SLC30A8: variants seen among roughly 807,000 people sequenced by gnomAD.
The protein encoded by SLC30A8 is solute carrier family 30 member 8, also known as proton-coupled zinc antiporter SLC30A8.
In SLC30A8, 27 loss-of-function variants were observed where a neutral mutation model predicts 36.9. That is an observed-to-expected ratio of 0.73 (90% confidence interval 0.54 to 1.01). The LOEUF (loss-of-function observed/expected upper bound fraction) is 1.01, where lower values mean the gene tolerates loss of function less well. SLC30A8 is among the 50% of genes least tolerant of loss of function. The pLI is 0.00. For synonymous variants in SLC30A8, 164 were observed against 172.4 expected (o/e 0.95, Z 0.38); for missense variants, 439 against 452.0 (o/e 0.97, Z 0.26).
chr8:117,002,151 A>G (rs956884744), intron 1 of SLC30A8, among the ~76,000 whole-genome samples: 3 of 152,196 alleles, frequency 2.0e-5, no homozygotes, highest in African/African-American at 7.2e-5. Context: ...AAGTTTGTTT[A>G]TGGTGTAATT....
chr8:117,154,694 C>T (rs201409867), intron 3 of SLC30A8, among the ~76,000 whole-genome samples: 1 of 152,278 alleles, frequency 6.6e-6, no homozygotes, highest in East Asian at 1.9e-4. Flanking sequence ...AAAACATGGA[C>T]CTGTAGCTAA....
intron 1 of SLC30A8, among the ~76,000 whole-genome samples, chr8:117,037,742 T>C (rs1817260251): frequency 6.6e-6 from 1 of 152,058 alleles, no homozygotes; most frequent in Non-Finnish European, 1.5e-5. Flanking sequence ...GGTGTCTAAA[T>C]GGGATTCCCT....
At chr8:117,048,895 G>T (rs1051122852) in intron 2 of SLC30A8, among the ~76,000 whole-genome samples, 1 of 152,158 alleles carries the variant, frequency 6.6e-6, no homozygotes, top group Non-Finnish European at 1.5e-5. Flanking sequence ...TACAGGGTAA[G>T]CATGAGCACA....
upstream of SLC30A8, chr8:116,950,284 A>C (rs1586316008): frequency 1.2e-5 from 2 of 167,912 alleles, no homozygotes; most frequent in East Asian, 3.5e-4. Flanking sequence ...GGCTGCCAGC[A>C]TGCTGTCACC....
chr8:117,001,150 T>A (rs979675839), intron 1 of SLC30A8, among the ~76,000 whole-genome samples: 10 of 151,474 alleles, frequency 6.6e-5, no homozygotes, highest in Non-Finnish European at 1.2e-4. Flanking sequence ...ATGTTAGGGA[T>A]AGGCTGATGA....
chr8:116,959,605 G>C (rs1182152269), intron 1 of SLC30A8, among the ~76,000 whole-genome samples: 1 of 152,050 alleles, frequency 6.6e-6, no homozygotes. Context: ...ACATTACTTA[G>C]AAACCATTTG....
intron 1 of SLC30A8, among the ~76,000 whole-genome samples, chr8:117,032,860 A>G (rs1007564917): frequency 2.0e-5 from 3 of 152,088 alleles, no homozygotes; most frequent in African/African-American, 7.2e-5. Context: ...ATTGCACTCC[A>G]GCCTGGGTGA....
At chr8:117,055,132 G>A (rs746734549) in intron 2 of SLC30A8, among the ~76,000 whole-genome samples, 6 of 152,166 alleles carry the variant, frequency 3.9e-5, no homozygotes, top group Non-Finnish European at 8.8e-5. Flanking sequence ...TTGAAAGTGC[G>A]GGGTTACCAG....
intron 1 of SLC30A8, among the ~76,000 whole-genome samples, chr8:117,031,728 T>C (rs1817058053): frequency 6.6e-6 from 1 of 152,140 alleles, no homozygotes; most frequent in Non-Finnish European, 1.5e-5. Context: ...CCTCCCAAAA[T>C]ACTGAGATTA....
Position 117,088,519 on chromosome 8 carries a change from C to T in SLC30A8, c.-225-46761C>T, listed in dbSNP as rs114803814. Among the ~76,000 whole-genome samples, 368 of 152,086 alleles carry T rather than the reference C, an allele frequency of 2.4e-3. 2 individuals are homozygous for T. The highest frequency in any genetic ancestry group is 8.4e-3 in the African/African-American group (349 of 41,518). ...TCCATCACTGCCTCTCAAGTTCCGA[C>T]AGTGAAAAACGTGCACATCTCCCTC... On this transcript the variant is annotated intron_variant, in intron 2 of 10. Coordinates refer to the SLC30A8 transcript ENST00000427715.
rs148848224 is a variant in SLC30A8 at position 117,127,068 on chromosome 8, A to G, written c.-225-8212A>G. Among the ~76,000 whole-genome samples the G allele has an allele frequency of 2.9e-3, 448 of 152,038 alleles. 5 individuals are homozygous for G. The highest frequency in any genetic ancestry group is 0.01 in the African/African-American group (417 of 41,488). ...CTGTCTACAATTCATTACACACCAT[A>G]CTGCTTTCTAGAAGAGAGGCCACTG... is the stretch of plus-strand genomic sequence containing the variant. On this transcript the variant is annotated intron_variant, in intron 2 of 10. Coordinates refer to the SLC30A8 transcript ENST00000427715.
At chr8:117,150,672 C>A (rs1822140462) in intron 2 of SLC30A8, among the ~76,000 whole-genome samples, 1 of 152,120 alleles carries the variant, frequency 6.6e-6, no homozygotes, top group African/African-American at 2.4e-5. Flanking sequence ...GTGGCCCGAT[C>A]TTGGCTCACT....
chr8:117,135,408 G>A lies in SLC30A8; in HGVS notation c.71+10G>A. ...CTTTCACACTAGAAAGGTAATAGAT[G>A]TCTGTGTCTGCTTCACAATTTTCTC... On this transcript the variant is annotated intron_variant, in intron 1 of 7. Coordinates refer to ENST00000456015, the MANE Select transcript of SLC30A8 (RefSeq NM_173851.3). 1.9e-6 allele frequency: 3 copies of A among 1,565,676 alleles called. No individual in the cohort carries two copies. The South Asian group carries it at 3.6e-5, about 19-fold the overall frequency.
At chr8:117,029,122 C>T (rs923518930) in intron 1 of SLC30A8, among the ~76,000 whole-genome samples, 5 of 152,084 alleles carry the variant, frequency 3.3e-5, no homozygotes, top group South Asian at 2.1e-4. Context: ...GCCCCTGTGC[C>T]GAACTATCCA....
chr8:117,118,555 C>T (rs889631895), intron 2 of SLC30A8, among the ~76,000 whole-genome samples: 19 of 151,746 alleles, frequency 1.3e-4, no homozygotes, highest in African/African-American at 4.1e-4. Context: ...TTTTTAACCA[C>T]GGAGCATTCT....
At chr8:117,004,676 A>G (rs1024994234) in intron 1 of SLC30A8, among the ~76,000 whole-genome samples, 1 of 152,108 alleles carries the variant, frequency 6.6e-6, no homozygotes, top group Non-Finnish European at 1.5e-5. Flanking sequence ...TTAAACAGAA[A>G]CCAAAAATTA....
chr8:117,091,272 G>A (rs1290313713), intron 2 of SLC30A8, among the ~76,000 whole-genome samples: 3 of 152,236 alleles, frequency 2.0e-5, no homozygotes, highest in East Asian at 1.9e-4. Context: ...TATCTTGAAC[G>A]GGGCATGAAC....
chr8:117,152,420 C>G (rs866986350), intron 2 of SLC30A8, among the ~76,000 whole-genome samples: 1 of 152,062 alleles, frequency 6.6e-6, no homozygotes, highest in Admixed American at 6.6e-5. Context: ...CTTTCTGCTC[C>G]CTGTTATTTC....
At chr8:117,120,577 T>C (rs1820654166) in intron 2 of SLC30A8, among the ~76,000 whole-genome samples, 1 of 151,766 alleles carries the variant, frequency 6.6e-6, no homozygotes, top group Non-Finnish European at 1.5e-5. Context: ...ACCAAAAGCA[T>C]AGGCAACATA....
Sources: gnomAD v4.1 joint callset for allele counts (sites outside exome capture counted in the v4.1 genomes callset) on GRCh38, gnomAD v4.1.1 for gene constraint, MANE v1.5 for transcripts, NCBI Gene and HGNC (gene_info 2026-07-23, HGNC 2026-07-21) for gene names.